The following C8B variants were observed in gnomAD, a reference collection of about 807,000 sequenced individuals.
The protein encoded by C8B is complement component C8 beta chain.
C8B carries 67 observed loss-of-function variants against 64.6 expected under a neutral mutation model. The observed-to-expected ratio is 1.04, with a 90% CI of 0.85 to 1.27. C8B has a LOEUF of 1.27. Ranked by LOEUF, C8B falls within the 50% of genes most tolerant of loss-of-function variation. The pLI is 0.00. For missense variants in C8B, 790 were observed against 725.2 expected (o/e 1.09, Z -1.03); for synonymous variants, 284 against 257.7 (o/e 1.10, Z -0.98).
At chr1:56,963,324 C>T (rs137938773) in intron 1 of C8B, among the ~76,000 whole-genome samples, 39 of 152,264 alleles carry the variant, frequency 2.6e-4, no homozygotes, top group Admixed American at 1.0e-3. Context: ...TTTTGGCTTT[C>T]GGTAGAAATG....
chr1:56,930,741 A>G (rs1644688818), intron 11 of C8B, among the ~76,000 whole-genome samples: 1 of 152,192 alleles, frequency 6.6e-6, no homozygotes, highest in African/African-American at 2.4e-5. Flanking sequence ...TATCAATAAT[A>G]TCTACTTCAT....
chr1:56,932,032 C>A (rs1275364088), intron 10 of C8B, among the ~76,000 whole-genome samples, 154 bp from the exon 11 acceptor site: 2 of 152,162 alleles, frequency 1.3e-5, no homozygotes, highest in South Asian at 4.2e-4. Context: ...GCCAGGAATA[C>A]CTACTCCTTT....
chr1:56,959,244 C>G (rs560651762), intron 2 of C8B, among the ~76,000 whole-genome samples: 1 of 152,188 alleles, frequency 6.6e-6, no homozygotes, highest in African/African-American at 2.4e-5. Context: ...TATGAAGAAC[C>G]TATTCTGTGC....
At chr1:56,942,908 AAAAAT>A (rs1373663145) in intron 8 of C8B, among the ~76,000 whole-genome samples, 1 of 151,522 alleles carries the variant, frequency 6.6e-6, no homozygotes, top group East Asian at 1.9e-4. Flanking sequence ...TGTCTCTGTA[AAAAAT>A]AAAATAAAAT....
chr1:56,944,005 G>A (rs1399585723), intron 7 of C8B, among the ~76,000 whole-genome samples, 181 bp from the exon 8 acceptor site: 6 of 152,120 alleles, frequency 3.9e-5, no homozygotes, highest in East Asian at 3.9e-4. Context: ...CAGAGACCTC[G>A]TAGAGCTCAG....
At chr1:56,944,420 C>A (rs1644912358) in intron 7 of C8B, among the ~76,000 whole-genome samples, 1 of 152,180 alleles carries the variant, frequency 6.6e-6, no homozygotes, top group African/African-American at 2.4e-5. Flanking sequence ...TCTAAGCACT[C>A]TGAGGCCAGT....
At chr1:56,943,644 A>G (rs1570385099) in intron 8 of C8B, 52 bp downstream of exon 8, 1 of 1,608,512 alleles carries the variant, frequency 6.2e-7, no homozygotes, top group East Asian at 2.2e-5. Flanking sequence ...CACCAGAGGC[A>G]CTAGGAGGAT....
intron 1 of C8B, among the ~76,000 whole-genome samples, chr1:56,961,187 T>C (rs1484956012): frequency 6.6e-6 from 1 of 152,220 alleles, no homozygotes; most frequent in Non-Finnish European, 1.5e-5. Flanking sequence ...GTGTGTATGA[T>C]GATTCTTATT....
intron 6 of C8B, among the ~76,000 whole-genome samples, chr1:56,947,360 C>T (rs1033158043): frequency 1.6e-4 from 25 of 152,208 alleles, no homozygotes; most frequent in Admixed American, 1.5e-3. Flanking sequence ...CAACCACGTA[C>T]GTCAGCATTC....
chr1:56,957,608 C>T (rs535398866), intron 2 of C8B, among the ~76,000 whole-genome samples: 21 of 152,238 alleles, frequency 1.4e-4, no homozygotes, highest in Admixed American at 5.9e-4. Flanking sequence ...TTTTAGCAGT[C>T]AATATTGCTA....
intron 6 of C8B, among the ~76,000 whole-genome samples, chr1:56,946,611 C>A (rs1644946510): frequency 6.6e-6 from 1 of 152,194 alleles, no homozygotes; most frequent in East Asian, 1.9e-4. Flanking sequence ...TGTCACACTC[C>A]AATGGCAGTG....
chr1:56,964,276 T>C (rs923699485), intron 1 of C8B, among the ~76,000 whole-genome samples: 6 of 152,176 alleles, frequency 3.9e-5, no homozygotes, highest in Non-Finnish European at 8.8e-5. Flanking sequence ...ATCGTGTCAC[T>C]CCTTTGCTTC....
At chr1:56,934,052 C>T (rs1197329907) in intron 9 of C8B, among the ~76,000 whole-genome samples, 3 of 152,174 alleles carry the variant, frequency 2.0e-5, no homozygotes, top group Non-Finnish European at 2.9e-5. Context: ...AGAACAACTT[C>T]CCTCCATTAA....
At chr1:56,953,565 C>A (rs1251210093) in intron 4 of C8B, among the ~76,000 whole-genome samples, 2 of 152,194 alleles carry the variant, frequency 1.3e-5, no homozygotes, top group Non-Finnish European at 2.9e-5. Flanking sequence ...GACAGTGGAG[C>A]AAGAACAGAG....
Position 56,960,057 on chromosome 1 carries a change from G to C in C8B, c.212C>G (p.Ser71Cys), listed in dbSNP as rs148570619. The change falls in exon 2 of 12, where the codon TCC (serine) becomes TGC (cysteine). Residue 71 changes from serine to cysteine, a missense_variant. Physicochemically the swap from Ser to Cys is moderately radical, Grantham distance 112. Transcript: ENST00000371237. ...MPIDCELSSW[S>C]SWTTCDPCQK... ...ACAGGGGTCACATGTGGTCCAAGAG[G>C]ACCAACTAGACAGCTCACAATCAAT... The C allele has an allele frequency of 3.3e-4, 526 of 1,614,088 alleles. No individual in the cohort carries two copies. Among genetic ancestry groups the C allele is most frequent in the Non-Finnish European group, 4.2e-4 (500 of 1,180,008 alleles).
chr1:56,954,646 T>C (rs1645075251), intron 4 of C8B, 40 bp downstream of exon 4: 1 of 1,613,200 alleles, frequency 6.2e-7, no homozygotes, highest in African/African-American at 1.3e-5. Context: ...CATTTAATGC[T>C]GTGCCTTCCC....
At position 56,943,737 on chromosome 1, in the gene C8B, A is replaced by G. The variant is rs753491271; in HGVS notation, c.1193T>C (p.Val398Ala). Reference sequence around the variant, plus strand: ...AATACCTCTGCATTTGCCTACAGACACACCCAGACTGACGTAGACCTCTTC... The same window carrying G: ...AATACCTCTGCATTTGCCTACAGACGCACCCAGACTGACGTAGACCTCTTC... Reference protein sequence around the residue: ...AIEEVYVSLGVSVGKCRGILN... With the variant: ...AIEEVYVSLGASVGKCRGILN... Residue 398 changes from valine to alanine, a missense_variant, in exon 8 of 12, where the codon GTG becomes GCG. Transcript: ENST00000371237. 4 of 1,614,136 alleles carry G rather than the reference A, an allele frequency of 2.5e-6. No individual in the cohort carries two copies. Among genetic ancestry groups the G allele is most frequent in the South Asian group, 1.1e-5 (1 of 91,074 alleles).
chr1:56,956,796 A>G lies in C8B; in HGVS notation c.364T>C (p.Cys122Arg). The G allele has an allele frequency of 6.2e-7, 1 of 1,614,038 alleles. No homozygotes were observed. Among genetic ancestry groups the G allele is most frequent in the Non-Finnish European group, 8.5e-7 (1 of 1,179,980 alleles). Residue 122 changes from cysteine to arginine, a missense_variant, in exon 3 of 12, where the codon TGT (cysteine) becomes CGT (arginine). Physicochemically the swap from Cys to Arg is radical, Grantham distance 180. Transcript: ENST00000371237. ...GTCTGTGCACACACAAAGCCTTCAC[A>G]TCGCACTTGACTTCCGCATGGTCTG... is the stretch of plus-strand genomic sequence containing the variant. ...TNRPCGSQVR[C>R]EGFVCAQTGR...
At chr1:56,956,665 C>G in intron 3 of C8B, 104 bp downstream of exon 3, 1 of 1,283,178 alleles carries the variant, frequency 7.8e-7, no homozygotes, top group South Asian at 1.2e-5. Context: ...CCTGAGCTGC[C>G]CCATGACCCT....
Sources: gnomAD v4.1 joint callset for allele counts (sites outside exome capture counted in the v4.1 genomes callset) on GRCh38, gnomAD v4.1.1 for gene constraint, MANE v1.5 for transcripts, NCBI Gene and HGNC (gene_info 2026-07-23, HGNC 2026-07-21) for gene names.